The following TAFA1 variants were observed in gnomAD, a reference collection of about 807,000 sequenced individuals.
TAFA1 encodes the protein chemokine-like protein TAFA-1.
TAFA1 carries 4 observed loss-of-function variants against 18.5 expected under a neutral mutation model. That is an observed-to-expected ratio of 0.22 (90% CI 0.11 to 0.49). The LOEUF is 0.49. Ranked by LOEUF, TAFA1 falls within the 20% of genes least tolerant of loss-of-function variation. TAFA1 has a pLI of 0.98. For missense variants in TAFA1, 147 were observed against 169.0 expected, an observed-to-expected ratio of 0.87 and a Z score of 0.72; for synonymous variants, 56 against 55.2, an observed-to-expected ratio of 1.01 and a Z score of -0.06.
intron 2 of TAFA1, among the ~76,000 whole-genome samples, chr3:68,370,454 A>ATG (rs1233179753): frequency 0.017 from 663 of 39,686 alleles, 13 homozygotes; most frequent in African/African-American, 0.045. Flanking sequence ...ATGTATATAT[A>ATG]TGTGTGTGTG....
At chr3:68,314,926 T>C in intron 2 of TAFA1, among the ~76,000 whole-genome samples, 1 of 148,772 alleles carries the variant, frequency 6.7e-6, no homozygotes, top group East Asian at 1.9e-4. Flanking sequence ...ATAAATATTA[T>C]ATATAATATT....
intron 2 of TAFA1, among the ~76,000 whole-genome samples, chr3:68,105,384 G>C (rs1025202218): frequency 3.9e-5 from 6 of 152,098 alleles, no homozygotes; most frequent in African/African-American, 1.4e-4. Flanking sequence ...ATAATTTTTA[G>C]ACTCTAAAAT....
chr3:68,249,571 G>A (rs920951900), intron 2 of TAFA1, among the ~76,000 whole-genome samples: 3 of 152,092 alleles, frequency 2.0e-5, no homozygotes, highest in Non-Finnish European at 2.9e-5. Context: ...AAAGGGGAAT[G>A]GCTGCTCAGG....
chr3:68,353,367 T>C (rs542851079), intron 2 of TAFA1, among the ~76,000 whole-genome samples: 6 of 152,108 alleles, frequency 3.9e-5, no homozygotes, highest in Non-Finnish European at 8.8e-5. Flanking sequence ...TGATATAGCG[T>C]GTAAGCCATT....
chr3:68,003,600 T>TACTG, upstream of TAFA1, among the ~76,000 whole-genome samples: 1 of 152,278 alleles, frequency 6.6e-6, no homozygotes, highest in South Asian at 2.1e-4. Flanking sequence ...GGCAAAATTA[T>TACTG]ACTATATTTC....
chr3:68,402,698 C>G (rs964133497), intron 2 of TAFA1, among the ~76,000 whole-genome samples: 2 of 152,124 alleles, frequency 1.3e-5, no homozygotes, highest in African/African-American at 4.8e-5. Flanking sequence ...CTCAGCTAAA[C>G]CAATAAAATA....
chr3:68,330,025 T>C (rs572612271), intron 2 of TAFA1, among the ~76,000 whole-genome samples: 3 of 152,160 alleles, frequency 2.0e-5, no homozygotes, highest in Non-Finnish European at 4.4e-5. Context: ...GTGTGTCCAA[T>C]TGCAGGGATA....
intron 3 of TAFA1, among the ~76,000 whole-genome samples, chr3:68,477,712 T>C (rs2106645683): frequency 6.6e-6 from 1 of 152,290 alleles, no homozygotes; most frequent in East Asian, 1.9e-4. Context: ...CAAACATATA[T>C]AAATATTTCT....
At chr3:68,045,878 C>T (rs527386600) in intron 2 of TAFA1, among the ~76,000 whole-genome samples, 2 of 152,166 alleles carry the variant, frequency 1.3e-5, no homozygotes, top group South Asian at 2.1e-4. Context: ...TTTGTACTTT[C>T]GAAAAGACTT....
chr3:68,281,531 G>C (rs930689449), intron 2 of TAFA1, among the ~76,000 whole-genome samples: 2 of 146,460 alleles, frequency 1.4e-5, no homozygotes, highest in Non-Finnish European at 3.0e-5. Context: ...GTACAGTGGT[G>C]CGATCTCGGC....
At chr3:68,110,781 C>A (rs2065253876) in intron 2 of TAFA1, among the ~76,000 whole-genome samples, 1 of 152,004 alleles carries the variant, frequency 6.6e-6, no homozygotes, top group African/African-American at 2.4e-5. Flanking sequence ...AGAGGCGGTT[C>A]TTTGGCATAA....
chr3:68,109,762 A>G (rs1302129324), intron 2 of TAFA1, among the ~76,000 whole-genome samples: 3 of 152,194 alleles, frequency 2.0e-5, no homozygotes. Flanking sequence ...AATTTGGTTT[A>G]TTCATAGAAC....
intron 2 of TAFA1, among the ~76,000 whole-genome samples, chr3:68,230,779 ATC>A (rs1369006637): frequency 2.6e-5 from 4 of 152,176 alleles, no homozygotes; most frequent in African/African-American, 9.6e-5. Flanking sequence ...CCTTGTCAGC[ATC>A]TGTTATTTAT....
chr3:68,337,841 T>G (rs1249962344), intron 2 of TAFA1, among the ~76,000 whole-genome samples: 1 of 152,184 alleles, frequency 6.6e-6, no homozygotes, highest in Non-Finnish European at 1.5e-5. Context: ...AAACTTCACA[T>G]TCTTTTCCAT....
chr3:68,150,890 T>G lies in TAFA1; in HGVS notation c.118+144146T>G, dbSNP rs545749802. Among the ~76,000 whole-genome samples the G allele has an allele frequency of 2.0e-5, 3 of 152,278 alleles. No individual in the cohort carries two copies. In the East Asian group the frequency reaches 5.8e-4, roughly 29 times the overall value. The stretch of plus-strand genomic sequence containing the variant: ...CTACTTTTGTTGAGCATTAGCCCTA[T>G]GGCTAGCACTTTATTAAGAGTGTTG... On this transcript the variant is annotated intron_variant, in intron 2 of 4. Coordinates refer to ENST00000478136, the MANE Select transcript of TAFA1 (RefSeq NM_213609.4).
chr3:68,029,157 A>G (rs1399533343), intron 2 of TAFA1, among the ~76,000 whole-genome samples: 2 of 152,118 alleles, frequency 1.3e-5, no homozygotes, highest in Non-Finnish European at 2.9e-5. Context: ...TTTTAACCAC[A>G]TAAGGTAATA....
rs184193218 is a variant in TAFA1, at chr3:68,111,842, G to C, written c.118+105098G>C. 2.8e-3 allele frequency among the ~76,000 whole-genome samples: 419 copies of C among 151,948 alleles called. 3 individuals carry two copies. The highest frequency in any genetic ancestry group is 9.7e-3 in the African/African-American group (402 of 41,482). ...AGGACAAATTCTTGGTAGATTGTTA[G>C]GACATTAGTAGTATTCTTAGTAGAT... On this transcript the variant is annotated intron_variant, in intron 2 of 4. Transcript: ENST00000478136.
chr3:68,433,831 C>G (rs1302015869), intron 3 of TAFA1, among the ~76,000 whole-genome samples: 1 of 152,098 alleles, frequency 6.6e-6, no homozygotes, highest in Non-Finnish European at 1.5e-5. Context: ...AGTATTAGTT[C>G]TAACAATTGA....
At chr3:68,436,831 G>T (rs2071275408) in intron 3 of TAFA1, among the ~76,000 whole-genome samples, 4 of 152,156 alleles carry the variant, frequency 2.6e-5, no homozygotes. Context: ...CAGGAAGGCA[G>T]ATGCCTTTCC....
Sources: allele counts gnomAD v4.1 joint callset (sites outside exome capture counted in the v4.1 genomes callset), GRCh38; gene constraint gnomAD v4.1.1; transcripts MANE v1.5; gene names NCBI Gene and HGNC (gene_info 2026-07-23, HGNC 2026-07-21).